Variants in ADAMTSL3 observed in about 807,000 individuals in gnomAD.
The protein encoded by ADAMTSL3 is ADAMTS-like protein 3.
ADAMTSL3 carries 128 observed loss-of-function variants against 201.7 expected under a neutral mutation model. That is an observed-to-expected ratio of 0.63 (90% CI 0.55 to 0.73). The LOEUF is 0.73. Among genes scored for constraint, ADAMTSL3 ranks in the 30% least tolerant of loss-of-function variants. The pLI is 0.00. For synonymous variants in ADAMTSL3, 738 were observed against 748.4 expected (o/e 0.99, Z 0.23); for missense variants, 1,990 against 2,119.6 (o/e 0.94, Z 1.20).
intron 2 of ADAMTSL3, among the ~76,000 whole-genome samples, chr15:83,666,997 T>G (rs2061256388): frequency 6.6e-6 from 1 of 152,102 alleles, no homozygotes; most frequent in Non-Finnish European, 1.5e-5. Flanking sequence ...TTTCCCATTT[T>G]GTCATTTACA....
At position 83,942,677 on chromosome 15, in the gene ADAMTSL3, A is replaced by G. The variant is rs1412975403; in HGVS notation, c.2199A>G (p.Pro733=). The G allele has an allele frequency of 6.2e-7, 1 of 1,614,096 alleles. No individual in the cohort carries two copies. The highest frequency in any genetic ancestry group is 1.7e-5 in the Admixed American group (1 of 60,026). The change falls in exon 18 of 30, where the codon CCA becomes CCG. Residue 733 remains proline (P), a synonymous_variant. Coordinates refer to ENST00000286744, the MANE Select transcript of ADAMTSL3 (RefSeq NM_207517.3). ...IQTRDVYCLH[P]GETPAPPEEC... is the part of the protein sequence containing the mutation. The stretch of plus-strand genomic sequence containing the variant: ...CCCGAGATGTGTACTGCCTGCACCC[A>G]GGGGAGACCCCTGCCCCTCCTGAGG...
At chr15:84,025,114 C>G (rs1297305798) in intron 26 of ADAMTSL3, 124 bp from the exon 27 acceptor site, 2 of 748,344 alleles carry the variant, frequency 2.7e-6, no homozygotes, top group African/African-American at 3.5e-5. Flanking sequence ...TTCCCATTCC[C>G]ATAGAGACAT....
chr15:83,811,188 C>T (rs1439050706), intron 5 of ADAMTSL3, among the ~76,000 whole-genome samples: 2 of 152,180 alleles, frequency 1.3e-5, no homozygotes, highest in African/African-American at 2.4e-5. Context: ...AACATAGTCG[C>T]AGGTTCCAGG....
chr15:84,037,441 A>G (rs931715457), intron 29 of ADAMTSL3, among the ~76,000 whole-genome samples: 8 of 152,184 alleles, frequency 5.3e-5, no homozygotes, highest in African/African-American at 1.9e-4. Context: ...AAAGTTAAGC[A>G]TTGCTGCTCT....
intron 23 of ADAMTSL3, among the ~76,000 whole-genome samples, chr15:83,995,101 C>T (rs912273449): frequency 4.6e-5 from 7 of 152,064 alleles, no homozygotes; most frequent in Non-Finnish European, 8.8e-5. Flanking sequence ...CATGCCCCTG[C>T]CTCCTGCAGT....
intron 23 of ADAMTSL3, among the ~76,000 whole-genome samples, chr15:83,997,612 A>G (rs902018393): frequency 2.0e-5 from 3 of 152,208 alleles, no homozygotes; most frequent in Non-Finnish European, 2.9e-5. Flanking sequence ...AAAACAAAAC[A>G]AAACTGAAGC....
At chr15:83,918,951 A>G (rs932574729) in intron 16 of ADAMTSL3, among the ~76,000 whole-genome samples, 4 of 152,130 alleles carry the variant, frequency 2.6e-5, no homozygotes, top group African/African-American at 9.7e-5. Context: ...TTTGAGAGAC[A>G]TGTAGGAGAT....
intron 3 of ADAMTSL3, among the ~76,000 whole-genome samples, chr15:83,741,463 G>A (rs1339472595): frequency 6.6e-6 from 1 of 151,792 alleles, no homozygotes; most frequent in African/African-American, 2.4e-5. Flanking sequence ...TAATGCTTGA[G>A]GACTATAAGG....
chr15:83,659,365 C>T (rs563037453), intron 2 of ADAMTSL3, among the ~76,000 whole-genome samples: 15 of 152,254 alleles, frequency 9.9e-5, no homozygotes, highest in East Asian at 1.9e-4. Flanking sequence ...GGGTTGGCTC[C>T]GATCCTGTCC....
At chr15:83,695,019 G>A (rs1244719349) in intron 2 of ADAMTSL3, among the ~76,000 whole-genome samples, 2 of 152,018 alleles carry the variant, frequency 1.3e-5, no homozygotes, top group Non-Finnish European at 2.9e-5. Flanking sequence ...GTGGGAGTCA[G>A]TGTGTGTGCT....
chr15:83,824,913 A>G lies in ADAMTSL3; in HGVS notation c.600+4866A>G, dbSNP rs774045111. 7 of 152,352 alleles carry G rather than the reference A, an allele frequency of 4.6e-5. No individual in the cohort carries two copies. The East Asian group carries it at 5.8e-4, about 13-fold the overall frequency. The allele number at this position is 152,352 out of a possible 1,614,324, so 9.4% of individuals were successfully genotyped here. ...TGCATGTCATCTTGGCGCAGGGGCC[A>G]TGCTAATCATCTCTGTATCATTAGC... On this transcript the variant is annotated intron_variant, in intron 6 of 29. Coordinates refer to ENST00000286744, the MANE Select transcript of ADAMTSL3 (RefSeq NM_207517.3).
At position 83,924,037 on chromosome 15, in the gene ADAMTSL3, T is replaced by G; in HGVS notation, c.2117+4T>G. On this transcript the variant is annotated splice_donor_region_variant and intron_variant, in intron 17 of 29. Transcript: ENST00000286744. ...ACACAGAGCCCTGTCCCCCCAGGTA[T>G]GTGCTGTCTTGTGTTCCTGGTATAT... The G allele has an allele frequency of 1.2e-6, 2 of 1,613,962 alleles. No individual in the cohort carries two copies. The highest frequency in any genetic ancestry group is 1.7e-6 in the Non-Finnish European group (2 of 1,179,926).
chr15:83,953,969 C>T (rs918095910), intron 19 of ADAMTSL3, among the ~76,000 whole-genome samples: 2 of 152,078 alleles, frequency 1.3e-5, no homozygotes, highest in Non-Finnish European at 2.9e-5. Context: ...GGTATTTACC[C>T]TTGACCTTTG....
At chr15:83,682,158 T>A (rs1379580191) in intron 2 of ADAMTSL3, among the ~76,000 whole-genome samples, 1 of 152,192 alleles carries the variant, frequency 6.6e-6, no homozygotes, top group Non-Finnish European at 1.5e-5. Context: ...TGGCTGTATG[T>A]AGCAGGCTTC....
At chr15:83,848,686 C>T (rs1181225237) in intron 7 of ADAMTSL3, among the ~76,000 whole-genome samples, 3 of 152,136 alleles carry the variant, frequency 2.0e-5, no homozygotes, top group South Asian at 2.1e-4. Context: ...TTAGGAGCAC[C>T]GTGATCTTGG....
At chr15:83,860,654 G>A (rs528401956) in intron 8 of ADAMTSL3, among the ~76,000 whole-genome samples, 7 of 152,162 alleles carry the variant, frequency 4.6e-5, no homozygotes, top group Non-Finnish European at 1.0e-4. Flanking sequence ...GAATAAGTAA[G>A]CAATAAATAG....
chr15:83,766,326 T>C (rs868677393), intron 3 of ADAMTSL3, among the ~76,000 whole-genome samples: 1 of 152,198 alleles, frequency 6.6e-6, no homozygotes, highest in African/African-American at 2.4e-5. Flanking sequence ...GCCTTGAACT[T>C]AGCAAGCTCT....
At chr15:83,724,012 G>GT (rs1431957935) in intron 3 of ADAMTSL3, among the ~76,000 whole-genome samples, 1 of 151,796 alleles carries the variant, frequency 6.6e-6, no homozygotes, top group African/African-American at 2.4e-5. Context: ...CTCAATACTT[G>GT]TTTAATAGTG....
At chr15:83,892,328 T>C (rs183702317) in intron 12 of ADAMTSL3, among the ~76,000 whole-genome samples, 2 of 151,516 alleles carry the variant, frequency 1.3e-5, no homozygotes, top group East Asian at 3.9e-4. Context: ...TCAGGAGTTC[T>C]AGATTAGCCT....
Sources: gnomAD v4.1 joint callset for allele counts (sites outside exome capture counted in the v4.1 genomes callset) on GRCh38, gnomAD v4.1.1 for gene constraint, MANE v1.5 for transcripts, NCBI Gene and HGNC (gene_info 2026-07-23, HGNC 2026-07-21) for gene names.